ADAMTS12: variants seen among roughly 807,000 people sequenced by gnomAD.
ADAMTS12 encodes ADAM metallopeptidase with thrombospondin type 1 motif 12, also known as A disintegrin and metalloproteinase with thrombospondin motifs 12.
In ADAMTS12, 118 loss-of-function variants were observed where a neutral mutation model predicts 167.8. The ratio of observed to expected loss-of-function variants is 0.70; its 90% confidence interval spans 0.61 to 0.82. ADAMTS12 has a LOEUF of 0.82. Among genes scored for constraint, ADAMTS12 ranks in the 40% least tolerant of loss-of-function variants. The pLI is 0.00. For missense variants in ADAMTS12, 1,916 were observed against 1,998.8 expected (o/e 0.96, Z 0.79); for synonymous variants, 704 against 716.9 (o/e 0.98, Z 0.29).
chr5:33,668,111 T>C (rs1741536706), intron 5 of ADAMTS12, among the ~76,000 whole-genome samples: 1 of 152,156 alleles, frequency 6.6e-6, no homozygotes, highest in Non-Finnish European at 1.5e-5. Context: ...ATTCAAAATA[T>C]CATAAGTCGA....
At chr5:33,770,078 G>A (rs968681526) in intron 2 of ADAMTS12, among the ~76,000 whole-genome samples, 10 of 152,034 alleles carry the variant, frequency 6.6e-5, no homozygotes, top group African/African-American at 2.4e-4. Context: ...TAATATAATG[G>A]TCCCGCTAAC....
At chr5:33,644,509 T>C (rs67267661) in intron 9 of ADAMTS12, among the ~76,000 whole-genome samples, 21,030 of 152,230 alleles carry the variant, frequency 0.14, 1,872 homozygotes, top group Non-Finnish European at 0.2. Context: ...TTCCAGAAGT[T>C]ATATTTATTC....
At chr5:33,552,047 A>T (rs1431895448) in intron 20 of ADAMTS12, among the ~76,000 whole-genome samples, 2 of 152,254 alleles carry the variant, frequency 1.3e-5, no homozygotes, top group Non-Finnish European at 2.9e-5. Flanking sequence ...AACAGGTCTG[A>T]TAGTATCCAG....
At chr5:33,564,562 G>A (rs1172896028) in intron 19 of ADAMTS12, among the ~76,000 whole-genome samples, 4 of 152,194 alleles carry the variant, frequency 2.6e-5, no homozygotes. Flanking sequence ...GCAACAGTGT[G>A]TGGAAAAGAT....
At position 33,891,835 on chromosome 5, in the gene ADAMTS12, A is replaced by C; in HGVS notation, c.22T>G (p.Trp8Gly). ...GCCACCACGGAAAGGTTTGCAAGCCAGCTCCTCTGGGCACATGGCATGATT... is the reference window on the plus strand; with the variant it reads ...GCCACCACGGAAAGGTTTGCAAGCCCGCTCCTCTGGGCACATGGCATGATT... MPCAQRSWLANLSVVAQL... is the reference protein window; with the variant it reads MPCAQRSGLANLSVVAQL... Residue 8 changes from tryptophan to glycine, a missense_variant, in exon 1 of 24, where the codon TGG (tryptophan) becomes GGG (glycine). Transcript: ENST00000504830. The C allele has an allele frequency of 6.2e-7, 1 of 1,614,226 alleles. No homozygotes were observed. Among genetic ancestry groups the C allele is most frequent in the East Asian group, 2.2e-5 (1 of 44,892 alleles).
At chr5:33,618,876 A>C (rs1041165336) in intron 14 of ADAMTS12, among the ~76,000 whole-genome samples, 1 of 152,202 alleles carries the variant, frequency 6.6e-6, no homozygotes, top group Non-Finnish European at 1.5e-5. Context: ...TTCTAGGACA[A>C]TGGCATCTTC....
At chr5:33,789,753 A>AAATGAACAAACACAGGGG (rs1746456493) in intron 2 of ADAMTS12, among the ~76,000 whole-genome samples, 1 of 152,232 alleles carries the variant, frequency 6.6e-6, no homozygotes, top group African/African-American at 2.4e-5. Flanking sequence ...TGTCCCTGAC[A>AAATGAACAAACACAGGGG]AATGAACAAA....
intron 1 of ADAMTS12, among the ~76,000 whole-genome samples, chr5:33,889,913 C>T (rs1379012689): frequency 1.3e-5 from 2 of 152,134 alleles, no homozygotes; most frequent in Non-Finnish European, 1.5e-5. Flanking sequence ...GATTGCACCA[C>T]CGCACTCCAG....
intron 3 of ADAMTS12, among the ~76,000 whole-genome samples, chr5:33,735,750 C>A (rs1439132609): frequency 6.6e-6 from 1 of 152,160 alleles, no homozygotes; most frequent in Non-Finnish European, 1.5e-5. Context: ...ATGTCCAGCA[C>A]GGACCATGAA....
rs1170071940 is a variant in ADAMTS12 at position 33,570,661 on chromosome 5, A to G, written c.3972+5393T>C. 3.3e-5 allele frequency among the ~76,000 whole-genome samples: 5 copies of G among 152,226 alleles called. No homozygotes were observed. In the East Asian group the frequency reaches 9.6e-4, roughly 29 times the overall value. ...AAAATCATGCCAAAATGTAAAGACCATCGAGATTAGGAAGAAACTGCATCA... is the reference window on the plus strand; with the variant it reads ...AAAATCATGCCAAAATGTAAAGACCGTCGAGATTAGGAAGAAACTGCATCA... On this transcript the variant is annotated intron_variant, in intron 19 of 23. Transcript: ENST00000504830.
intron 2 of ADAMTS12, among the ~76,000 whole-genome samples, chr5:33,792,504 T>C (rs973838271): frequency 6.6e-6 from 1 of 152,208 alleles, no homozygotes; most frequent in Admixed American, 6.5e-5. Context: ...TTTACATAAT[T>C]GACATCCAAT....
At chr5:33,552,149 C>G (rs998850367) in intron 20 of ADAMTS12, among the ~76,000 whole-genome samples, 1 of 152,170 alleles carries the variant, frequency 6.6e-6, no homozygotes, top group Non-Finnish European at 1.5e-5. Flanking sequence ...ACTGGGGCCA[C>G]TGGCAGAGGT....
chr5:33,615,293 C>T (rs77496541), intron 15 of ADAMTS12, among the ~76,000 whole-genome samples: 1 of 152,162 alleles, frequency 6.6e-6, no homozygotes, highest in Non-Finnish European at 1.5e-5. Context: ...GGATCTAACT[C>T]CTTGGCCATC....
At chr5:33,682,956 GA>G in intron 5 of ADAMTS12, 61 bp downstream of exon 5, 5 of 1,434,244 alleles carry the variant, frequency 3.5e-6, no homozygotes, top group South Asian at 1.2e-5. Context: ...GAACTCCCCT[GA>G]AAAAAAGAAG....
At chr5:33,814,345 C>A (rs1747573260) in intron 2 of ADAMTS12, among the ~76,000 whole-genome samples, 1 of 152,152 alleles carries the variant, frequency 6.6e-6, no homozygotes, top group Non-Finnish European at 1.5e-5. Flanking sequence ...ATTGAAAAGG[C>A]CATCCTTTTC....
At chr5:33,776,869 A>C (rs781676598) in intron 2 of ADAMTS12, among the ~76,000 whole-genome samples, 4 of 152,148 alleles carry the variant, frequency 2.6e-5, no homozygotes, top group Non-Finnish European at 4.4e-5. Context: ...CACATAAAAC[A>C]AAGGGTCATA....
At chr5:33,567,344 A>G (rs1474832281) in intron 19 of ADAMTS12, among the ~76,000 whole-genome samples, 1 of 152,188 alleles carries the variant, frequency 6.6e-6, no homozygotes, top group Non-Finnish European at 1.5e-5. Context: ...ATACAAATTA[A>G]TTAGTAGCTT....
chr5:33,796,458 A>G (rs1236016704), intron 2 of ADAMTS12, among the ~76,000 whole-genome samples: 1 of 152,236 alleles, frequency 6.6e-6, no homozygotes, highest in East Asian at 1.9e-4. Flanking sequence ...AATTATGTAT[A>G]TTAATATAGG....
chr5:33,606,395 T>C (rs1738441742), intron 16 of ADAMTS12, among the ~76,000 whole-genome samples: 1 of 152,098 alleles, frequency 6.6e-6, no homozygotes, highest in South Asian at 2.1e-4. Context: ...TAAAGGAAAA[T>C]AGTAGCCAGT....
Sources: allele counts gnomAD v4.1 joint callset (sites outside exome capture counted in the v4.1 genomes callset), GRCh38; gene constraint gnomAD v4.1.1; transcripts MANE v1.5; gene names NCBI Gene and HGNC (gene_info 2026-07-23, HGNC 2026-07-21).